Variants in RBFOX1 observed in about 807,000 individuals in gnomAD.
RBFOX1 encodes RNA binding protein fox-1 homolog 1.
RBFOX1 carries 8 observed loss-of-function variants against 57.7 expected under a neutral mutation model. The observed-to-expected ratio is 0.14, with a 90% CI of 0.08 to 0.25. The LOEUF is 0.25. Ranked by LOEUF, RBFOX1 falls within the 10% of genes least tolerant of loss-of-function variation. The pLI is 1.00. For missense variants in RBFOX1, 611 were observed against 548.5 expected, an observed-to-expected ratio of 1.11 and a Z score of -1.14; for synonymous variants, 326 against 222.4, an observed-to-expected ratio of 1.47 and a Z score of -4.15.
intron 1 of RBFOX1, among the ~76,000 whole-genome samples, chr16:5,434,057 G>C (rs1007369374): frequency 6.6e-6 from 1 of 152,142 alleles, no homozygotes; most frequent in Non-Finnish European, 1.5e-5. Flanking sequence ...GGGGGTGTCT[G>C]ACATCAGAGC....
chr16:6,672,353 A>AGT (rs2098771130), intron 3 of RBFOX1, among the ~76,000 whole-genome samples: 1 of 151,334 alleles, frequency 6.6e-6, no homozygotes, highest in Non-Finnish European at 1.5e-5. Flanking sequence ...GAGGGAGGAG[A>AGT]GTGAGAGAGA....
chr16:5,272,392 A>G (rs1458429812), intron 1 of RBFOX1, among the ~76,000 whole-genome samples: 1 of 152,204 alleles, frequency 6.6e-6, no homozygotes, highest in Non-Finnish European at 1.5e-5. Flanking sequence ...TCAAAGCCCC[A>G]TTTGGCATTG....
chr16:6,606,668 T>C, intron 2 of RBFOX1, among the ~76,000 whole-genome samples: 1 of 152,070 alleles, frequency 6.6e-6, no homozygotes, highest in Non-Finnish European at 1.5e-5. Context: ...GTTCCATCCA[T>C]GTCCCTGCAA....
chr16:5,427,584 C>CAAAAG (rs1555515840), intron 1 of RBFOX1, among the ~76,000 whole-genome samples: 9 of 27,272 alleles, frequency 3.3e-4, no homozygotes, highest in African/African-American at 2.1e-3. Flanking sequence ...GACTCTGTCT[C>CAAAAG]AAAACAAAAC....
intron 3 of RBFOX1, among the ~76,000 whole-genome samples, chr16:5,708,755 A>T (rs1410442324): frequency 6.6e-6 from 1 of 152,208 alleles, no homozygotes; most frequent in Non-Finnish European, 1.5e-5. Context: ...GGGATATTCA[A>T]ACTGAGCCTG....
chr16:5,845,213 G>T (rs993321181), intron 3 of RBFOX1, among the ~76,000 whole-genome samples: 1 of 152,010 alleles, frequency 6.6e-6, no homozygotes, highest in Non-Finnish European at 1.5e-5. Flanking sequence ...TGCCAAGGGG[G>T]TATTACTCAT....
In RBFOX1 at chr16:6,607,464, T is replaced by C. The variant is rs185371388; in HGVS notation, c.-63-47139T>C. On this transcript the variant is annotated intron_variant, in intron 2 of 15. Transcript: ENST00000550418. ...TCTCTATCTCTCTTCCTCTCTCTCT[T>C]CCTCCTCTGTCTCTCCTTACTCTTT... is the stretch of plus-strand genomic sequence containing the variant. 4.7e-5 allele frequency among the ~76,000 whole-genome samples: 7 copies of C among 148,158 alleles called. No individual in the cohort carries two copies. The East Asian group carries it at 8.0e-4, about 17-fold the overall frequency.
intron 1 of RBFOX1, among the ~76,000 whole-genome samples, chr16:6,043,718 G>C (rs532536289): frequency 6.6e-6 from 1 of 152,134 alleles, no homozygotes; most frequent in Non-Finnish European, 1.5e-5. Flanking sequence ...CTTTTCCCAG[G>C]AAGCCAGTAT....
intron 4 of RBFOX1, among the ~76,000 whole-genome samples, chr16:5,917,367 C>T (rs1364664886): frequency 2.6e-5 from 4 of 152,206 alleles, no homozygotes; most frequent in African/African-American, 7.2e-5. Flanking sequence ...GTGCATCTTA[C>T]GGTGAATCCT....
At position 7,452,775 on chromosome 16, in the gene RBFOX1, T is replaced by G. The variant is rs568982153; in HGVS notation, c.28-65372T>G. Among the ~76,000 whole-genome samples the G allele has an allele frequency of 3.9e-5, 6 of 152,256 alleles. No homozygotes were observed. In the South Asian group the frequency reaches 1.2e-3, roughly 32 times the overall value. On this transcript the variant is annotated intron_variant, in intron 4 of 15. Coordinates refer to ENST00000550418, the MANE Select transcript of RBFOX1 (RefSeq NM_018723.4). ...TGGCTGCCAAGACCATGTAGATTACTTAGAGTCTGGTGAAAGAAGAAATAA... is the reference window on the plus strand; with the variant it reads ...TGGCTGCCAAGACCATGTAGATTACGTAGAGTCTGGTGAAAGAAGAAATAA...
At chr16:7,186,995 A>ACACACACAC (rs1007568191) in intron 4 of RBFOX1, among the ~76,000 whole-genome samples, 1 of 24,210 alleles carries the variant, frequency 4.1e-5, no homozygotes, top group African/African-American at 2.6e-4. Context: ...CCACCTCCAC[A>ACACACACAC]AAAAAAAAAA....
intron 2 of RBFOX1, among the ~76,000 whole-genome samples, chr16:5,478,059 C>A (rs892003583): frequency 3.9e-5 from 6 of 152,284 alleles, no homozygotes; most frequent in East Asian, 1.9e-4. Flanking sequence ...CACCATGGAG[C>A]TGAAATTCTG....
At chr16:6,334,507 C>CAAAAAAAAAA (rs35514991) in intron 2 of RBFOX1, among the ~76,000 whole-genome samples, 3 of 115,950 alleles carry the variant, frequency 2.6e-5, no homozygotes, top group African/African-American at 1.0e-4. Flanking sequence ...GATAGCATCT[C>CAAAAAAAAAA]AAAAAAAAAA....
chr16:5,417,019 A>G (rs2067180167), intron 1 of RBFOX1, among the ~76,000 whole-genome samples: 2 of 152,166 alleles, frequency 1.3e-5, no homozygotes, highest in Non-Finnish European at 2.9e-5. Context: ...TAGAGAGAGC[A>G]AGGAAGAAGA....
intron 1 of RBFOX1, among the ~76,000 whole-genome samples, chr16:6,238,655 C>A (rs531585386): frequency 6.6e-6 from 1 of 152,176 alleles, no homozygotes; most frequent in Non-Finnish European, 1.5e-5. Flanking sequence ...CCACACCAAA[C>A]AAATGAGAAT....
At chr16:7,295,731 G>A (rs1489042472) in intron 4 of RBFOX1, among the ~76,000 whole-genome samples, 1 of 152,078 alleles carries the variant, frequency 6.6e-6, no homozygotes, top group Non-Finnish European at 1.5e-5. Context: ...ACCCACATAT[G>A]AACCAGAAAG....
chr16:6,355,704 C>G (rs1011482818), intron 2 of RBFOX1, among the ~76,000 whole-genome samples: 1 of 152,176 alleles, frequency 6.6e-6, no homozygotes, highest in Non-Finnish European at 1.5e-5. Context: ...CTTGAGGAAT[C>G]ACCACACTGT....
chr16:7,030,942 T>C (rs982493633), intron 3 of RBFOX1, among the ~76,000 whole-genome samples: 1 of 152,208 alleles, frequency 6.6e-6, no homozygotes, highest in Non-Finnish European at 1.5e-5. Context: ...GGTATTTATC[T>C]TGGAAATAAA....
rs572969640 is a variant in RBFOX1 at position 6,691,762 on chromosome 16, T to A, written c.-16+37112T>A. ...AAGGAATTTTGCAGATATGATTAAG[T>A]TGAGGACCTTGGATTGAGGAAAATT... is the stretch of plus-strand genomic sequence containing the variant. On this transcript the variant is annotated intron_variant, in intron 3 of 15. Transcript: ENST00000550418. Among the ~76,000 whole-genome samples, 6 of 152,318 alleles carry A rather than the reference T, an allele frequency of 3.9e-5. No individual in the cohort carries two copies. The South Asian group carries it at 1.2e-3, about 32-fold the overall frequency.
Sources: allele counts gnomAD v4.1 joint callset (sites outside exome capture counted in the v4.1 genomes callset), GRCh38; gene constraint gnomAD v4.1.1; transcripts MANE v1.5; gene names NCBI Gene and HGNC (gene_info 2026-07-23, HGNC 2026-07-21).